The following NET1 variants were observed in gnomAD, a reference collection of about 807,000 sequenced individuals.
NET1 encodes neuroepithelial cell-transforming gene 1 protein.
A neutral mutation model predicts 61.1 loss-of-function variants in NET1; 42 were observed. The observed-to-expected ratio is 0.69, with a 90% confidence interval of 0.54 to 0.89. NET1 has a LOEUF of 0.89. NET1 is among the 40% of genes least tolerant of loss of function. The pLI, the probability that NET1 is intolerant of heterozygous loss-of-function variation, is 0.00. For missense variants in NET1, 654 were observed against 747.3 expected (o/e 0.88, Z 1.46); for synonymous variants, 254 against 281.8 (o/e 0.90, Z 0.99).
Position 5,439,169 on chromosome 10 carries a change from A to T in NET1, c.255+9940A>T, listed in dbSNP as rs1249665707. Among the ~76,000 whole-genome samples the T allele has an allele frequency of 6.6e-6, 1 of 152,214 alleles. No homozygotes were observed. The highest frequency in any genetic ancestry group is 2.4e-5 in the African/African-American group (1 of 41,462). ...AGGAGCCTGTGTATATCTGTATGTC[A>T]TGCCATTTCTCCCTTCACACAGAGT... On this transcript the variant is annotated intron_variant, in intron 3 of 11. Coordinates refer to ENST00000355029, the MANE Select transcript of NET1 (RefSeq NM_001047160.3). The surrounding 1 kb of genome is among the most constrained non-coding windows in gnomAD (Gnocchi z 4.8).
At position 5,439,401 on chromosome 10, in the gene NET1, T is replaced by C. The variant is rs566970625; in HGVS notation, c.255+10172T>C. ...CCTAGATGAAGAGTTGAAAGAGAAGTACCAGTGTAATGTACTAGGTTACAT... is the reference window on the plus strand; with the variant it reads ...CCTAGATGAAGAGTTGAAAGAGAAGCACCAGTGTAATGTACTAGGTTACAT... On this transcript the variant is annotated intron_variant, in intron 3 of 11. Transcript: ENST00000355029. This position sits in a 1 kb window ranked among gnomAD's most constrained non-coding sequence, Gnocchi z 4.8. Among the ~76,000 whole-genome samples, 18 of 152,334 alleles carry C rather than the reference T, an allele frequency of 1.2e-4. No homozygotes were observed. The highest frequency in any genetic ancestry group is 4.3e-4 in the African/African-American group (18 of 41,576).
In NET1 at chr10:5,428,936, G is replaced by A. The variant is rs4328140; in HGVS notation, c.196-234G>A. Among the ~76,000 whole-genome samples, 688 of 147,996 alleles carry A rather than the reference G, an allele frequency of 4.6e-3. 7 individuals are homozygous for A. The highest frequency in any genetic ancestry group is 0.023 in the South Asian group (106 of 4,690). On this transcript the variant is annotated intron_variant, in intron 2 of 11. Transcript: ENST00000355029. The stretch of plus-strand genomic sequence containing the variant: ...TTTAGTAGAGACAGGGTTTCGCCAC[G>A]TTGGCCAGGCTGGTCTCGAACTCCT...
rs1832057851 is a variant in NET1, at chr10:5,415,142, A to C, written c.128+2322A>C. On this transcript the variant is annotated intron_variant, in intron 1 of 11. Coordinates refer to ENST00000355029, the MANE Select transcript of NET1 (RefSeq NM_001047160.3). This position sits in a 1 kb window ranked among gnomAD's most constrained non-coding sequence, Gnocchi z 4.7. ...TGTATCAGATTCAGAAATCATAAGGAAAAAGATTTGTGTGTATGATTATGT... is the reference window on the plus strand; with the variant it reads ...TGTATCAGATTCAGAAATCATAAGGCAAAAGATTTGTGTGTATGATTATGT... Among the ~76,000 whole-genome samples the C allele has an allele frequency of 6.6e-6, 1 of 152,258 alleles. No individual in the cohort carries two copies. Among genetic ancestry groups the C allele is most frequent in the South Asian group, 2.1e-4 (1 of 4,834 alleles).
At position 5,456,120 on chromosome 10, in the gene NET1, G is replaced by A. The variant is rs1336535761; in HGVS notation, c.1231G>A (p.Val411Ile). 6.2e-7 allele frequency: 1 copy of A among 1,613,724 alleles called. No homozygotes were observed. The highest frequency in any genetic ancestry group is 1.7e-5 in the Admixed American group (1 of 59,948). The stretch of plus-strand genomic sequence containing the variant: ...CATTTTCCTGTTTCAAGACATCTTG[G>A]TTCTGACTCGGCCCGTCACACGGAA... ...LYIFLFQDILVLTRPVTRNER... is the reference protein window; with the variant it reads ...LYIFLFQDILILTRPVTRNER... The change falls in exon 11 of 12, where the codon GTT (valine) becomes ATT (isoleucine). Residue 411 changes from valine (V) to isoleucine (I), a missense_variant. Physicochemically the swap from Val to Ile is conservative, Grantham distance 29. Transcript: ENST00000355029. This position sits in a 1 kb window ranked among gnomAD's most constrained non-coding sequence, Gnocchi z 7.0.
rs928258554 is a variant in NET1, at chr10:5,456,247, G to A, written c.1358G>A (p.Arg453Gln). 30 of 1,612,624 alleles carry A rather than the reference G, an allele frequency of 1.9e-5. No homozygotes were observed. The highest frequency in any genetic ancestry group is 9.9e-5 in the South Asian group (9 of 90,674). The change falls in exon 11 of 12, where the codon CGA (arginine) becomes CAA (glutamine). Residue 453 changes from arginine to glutamine, a missense_variant. By Grantham distance (43) the Arg-to-Gln change is conservative. Coordinates refer to ENST00000355029, the MANE Select transcript of NET1 (RefSeq NM_001047160.3). This position sits in a 1 kb window ranked among gnomAD's most constrained non-coding sequence, Gnocchi z 7.0. ...GATGTGAGAATGGGAGGCTCCTTTC[G>A]AGGAGCTTTCAGTAACTCAGAGAAA... ...DGDVRMGGSFRGAFSNSEKAK... is the reference protein window; with the variant it reads ...DGDVRMGGSFQGAFSNSEKAK...
chr10:5,454,746 C>T lies in NET1; in HGVS notation c.1027-202C>T, dbSNP rs1012428410. Among the ~76,000 whole-genome samples, 1 of 152,208 alleles carries T rather than the reference C, an allele frequency of 6.6e-6. No individual in the cohort carries two copies. Among genetic ancestry groups the T allele is most frequent in the Admixed American group, 6.5e-5 (1 of 15,284 alleles). On this transcript the variant is annotated intron_variant, in intron 9 of 11. Coordinates refer to ENST00000355029, the MANE Select transcript of NET1 (RefSeq NM_001047160.3). The surrounding 1 kb of genome is among the most constrained non-coding windows in gnomAD (Gnocchi z 8.1). ...GGACAGGATTCTCATCTGATCTCAC[C>T]TTGTCACCTTTGAACAAATCACTCA...
At position 5,455,333 on chromosome 10, in the gene NET1, G is replaced by A. The variant is rs1004102828; in HGVS notation, c.1197+215G>A. 6.6e-5 allele frequency among the ~76,000 whole-genome samples: 10 copies of A among 151,980 alleles called. No individual in the cohort carries two copies. Among genetic ancestry groups the A allele is most frequent in the South Asian group, 2.1e-4 (1 of 4,822 alleles). Reference sequence around the variant, plus strand: ...CAGTAATACTTTATTTTTTAGTTTCGAAGCATAAATCAACTTGTTAGGCCA... The same window carrying A: ...CAGTAATACTTTATTTTTTAGTTTCAAAGCATAAATCAACTTGTTAGGCCA... On this transcript the variant is annotated intron_variant, in intron 10 of 11. Coordinates refer to ENST00000355029, the MANE Select transcript of NET1 (RefSeq NM_001047160.3). The surrounding 1 kb of genome is among the most constrained non-coding windows in gnomAD (Gnocchi z 6.5).
rs1832169614 is a variant in NET1, at chr10:5,421,167, G to C, written c.129-5488G>C. 6.6e-6 allele frequency among the ~76,000 whole-genome samples: 1 copy of C among 152,136 alleles called. No homozygotes were observed. The highest frequency in any genetic ancestry group is 2.1e-4 in the South Asian group (1 of 4,826). ...AAATTCTGGCTCTTAAGGACCTTGG[G>C]CAAGTTACTTAGTCTCTAAATCTCA... On this transcript the variant is annotated intron_variant, in intron 1 of 11. Transcript: ENST00000355029. This position sits in a 1 kb window ranked among gnomAD's most constrained non-coding sequence, Gnocchi z 4.2.
intron 3 of NET1, among the ~76,000 whole-genome samples, chr10:5,445,590 G>A (rs1297354285): frequency 6.6e-6 from 1 of 152,110 alleles, no homozygotes; most frequent in Non-Finnish European, 1.5e-5. Context: ...AGTTTATAGT[G>A]TAAAATTTTA....
At position 5,431,620 on chromosome 10, in the gene NET1, A is replaced by G. The variant is rs1239479354; in HGVS notation, c.255+2391A>G. On this transcript the variant is annotated intron_variant, in intron 3 of 11. Transcript: ENST00000355029. This position sits in a 1 kb window ranked among gnomAD's most constrained non-coding sequence, Gnocchi z 4.9. ...TTCTGATTTATAATAAAAGCAGAAC[A>G]AGTGCTTGATTCTTTTCCTTTGTCA... Among the ~76,000 whole-genome samples the G allele has an allele frequency of 6.6e-6, 1 of 152,176 alleles. No individual in the cohort carries two copies. Among genetic ancestry groups the G allele is most frequent in the Non-Finnish European group, 1.5e-5 (1 of 68,022 alleles).
chr10:5,421,509 T>C lies in NET1; in HGVS notation c.129-5146T>C, dbSNP rs1041312265. Among the ~76,000 whole-genome samples the C allele has an allele frequency of 7.2e-5, 11 of 152,228 alleles. No homozygotes were observed. Among genetic ancestry groups the C allele is most frequent in the Non-Finnish European group, 1.2e-4 (8 of 68,042 alleles). On this transcript the variant is annotated intron_variant, in intron 1 of 11. Coordinates refer to ENST00000355029, the MANE Select transcript of NET1 (RefSeq NM_001047160.3). The surrounding 1 kb of genome is among the most constrained non-coding windows in gnomAD (Gnocchi z 4.2). ...TGTACAGTGGATATCCAGTTAAAGG[T>C]ATAGCCTTAAATCAATTCTTGACAA...
chr10:5,449,993 C>T lies in NET1; in HGVS notation c.256-1837C>T, dbSNP rs1832678538. Among the ~76,000 whole-genome samples, 1 of 152,058 alleles carries T rather than the reference C, an allele frequency of 6.6e-6. No individual in the cohort carries two copies. The stretch of plus-strand genomic sequence containing the variant: ...CTGTGAGGTAATTCTATCTTCAGTC[C>T]AACAGGAGACTCTTTGTGCTGTCTT... On this transcript the variant is annotated intron_variant, in intron 3 of 11. Coordinates refer to ENST00000355029, the MANE Select transcript of NET1 (RefSeq NM_001047160.3). This position sits in a 1 kb window ranked among gnomAD's most constrained non-coding sequence, Gnocchi z 4.4.
chr10:5,422,361 G>C lies in NET1; in HGVS notation c.129-4294G>C, dbSNP rs1448746882. ...CAAAAAAAAAAAAAGTCTTTGTGTAGACATACGTTTTCACTCCTCTTGGGT... is the reference window on the plus strand; with the variant it reads ...CAAAAAAAAAAAAAGTCTTTGTGTACACATACGTTTTCACTCCTCTTGGGT... On this transcript the variant is annotated intron_variant, in intron 1 of 11. Coordinates refer to ENST00000355029, the MANE Select transcript of NET1 (RefSeq NM_001047160.3). This position sits in a 1 kb window ranked among gnomAD's most constrained non-coding sequence, Gnocchi z 4.1. 6.6e-6 allele frequency among the ~76,000 whole-genome samples: 1 copy of C among 151,906 alleles called. No homozygotes were observed. Among genetic ancestry groups the C allele is most frequent in the Non-Finnish European group, 1.5e-5 (1 of 67,962 alleles).
Position 5,453,544 on chromosome 10 carries a change from A to G in NET1, c.752A>G (p.His251Arg). Residue 251 changes from histidine to arginine, a missense_variant, in exon 8 of 12, where the codon CAC becomes CGC. Coordinates refer to ENST00000355029, the MANE Select transcript of NET1 (RefSeq NM_001047160.3). This position sits in a 1 kb window ranked among gnomAD's most constrained non-coding sequence, Gnocchi z 4.9. ...GATGGAACAGTGGAGCAGATTGGTC[A>G]CATTCTCGTGAGCTGGGTATGTAGT... ...KPDGTVEQIG[H>R]ILVSWLPRLN... The G allele has an allele frequency of 6.2e-7, 1 of 1,614,138 alleles. No homozygotes were observed. Among genetic ancestry groups the G allele is most frequent in the Non-Finnish European group, 8.5e-7 (1 of 1,179,990 alleles).
intron 3 of NET1, among the ~76,000 whole-genome samples, chr10:5,438,467 G>C (rs528644781): frequency 6.6e-5 from 10 of 152,094 alleles, no homozygotes; most frequent in Non-Finnish European, 1.5e-4. Context: ...GTGAATAATT[G>C]TATGCCAACA....
In NET1 at chr10:5,437,841, A is replaced by G. The variant is rs10400041; in HGVS notation, c.255+8612A>G. Among the ~76,000 whole-genome samples the G allele has an allele frequency of 6.6e-6, 1 of 151,890 alleles. No homozygotes were observed. Among genetic ancestry groups the G allele is most frequent in the Non-Finnish European group, 1.5e-5 (1 of 67,952 alleles). ...GTGCATGTAGAACATTCCAGGATAG[A>G]CGGTATGTCAGGCTGCAAAACAAGT... On this transcript the variant is annotated intron_variant, in intron 3 of 11. Transcript: ENST00000355029. This position sits in a 1 kb window ranked among gnomAD's most constrained non-coding sequence, Gnocchi z 4.3.
At chr10:5,445,164 C>T (rs908569535) in intron 3 of NET1, among the ~76,000 whole-genome samples, 1 of 152,234 alleles carries the variant, frequency 6.6e-6, no homozygotes, top group African/African-American at 2.4e-5. Context: ...TCCATCTTTA[C>T]GCACAGCCCG....
At position 5,426,672 on chromosome 10, in the gene NET1, G is replaced by A. The variant is rs368254317; in HGVS notation, c.146G>A (p.Gly49Asp). The part of the protein sequence containing the change: ...ELDGRCSLRR[G>D]SSFTFLTPGP... ...ATTAATAGATGTTCCCTTCGGAGAG[G>A]CAGCTCCTTCACATTCTTAACACCT... Residue 49 changes from glycine to aspartate, a missense_variant, in exon 2 of 12, where the codon GGC becomes GAC. Coordinates refer to ENST00000355029, the MANE Select transcript of NET1 (RefSeq NM_001047160.3). The surrounding 1 kb of genome is among the most constrained non-coding windows in gnomAD (Gnocchi z 4.6). 6.2e-7 allele frequency: 1 copy of A among 1,606,176 alleles called. No homozygotes were observed. The highest frequency in any genetic ancestry group is 8.5e-7 in the Non-Finnish European group (1 of 1,176,628).
chr10:5,456,521 ACC>A lies in NET1; in HGVS notation c.1385-66_1385-65del. On this transcript the variant is annotated intron_variant, in intron 11 of 11. Transcript: ENST00000355029. The surrounding 1 kb of genome is among the most constrained non-coding windows in gnomAD (Gnocchi z 7.0). ...TTGACAGTCACGTTAAGATTGTATG[ACC>A]ACTTTGTCTAGAATAAACCTTTTTT... 1 of 1,427,838 alleles carries A rather than the reference ACC, an allele frequency of 7.0e-7. No individual in the cohort carries two copies. Among genetic ancestry groups the A allele is most frequent in the Non-Finnish European group, 9.5e-7 (1 of 1,056,440 alleles). The allele number at this position is 1,427,838 out of a possible 1,614,324, so 88.4% of individuals were successfully genotyped here.
Sources: allele counts gnomAD v4.1 joint callset (sites outside exome capture counted in the v4.1 genomes callset), GRCh38; gene constraint gnomAD v4.1.1; non-coding constraint Gnocchi (gnomAD v3.1); transcripts MANE v1.5; gene names NCBI Gene and HGNC (gene_info 2026-07-23, HGNC 2026-07-21).